The following CCDC180 variants were observed in gnomAD, a reference collection of about 807,000 sequenced individuals.
The protein encoded by CCDC180 is coiled-coil domain-containing protein 180.
In CCDC180, 154 loss-of-function variants were observed where a neutral mutation model predicts 209.2. That is an observed-to-expected ratio of 0.74 (90% confidence interval 0.65 to 0.84). The LOEUF is 0.84. Among genes scored for constraint, CCDC180 ranks in the 40% least tolerant of loss-of-function variants. The pLI, the probability that CCDC180 is intolerant of heterozygous loss-of-function variation, is 0.00. For synonymous variants in CCDC180, 778 were observed against 749.1 expected (o/e 1.04, Z -0.63); for missense variants, 1,874 against 1,997.3 (o/e 0.94, Z 1.18).
chr9:97,355,448 G>T (rs10981780), intron 24 of CCDC180, among the ~76,000 whole-genome samples: 1 of 152,168 alleles, frequency 6.6e-6, no homozygotes, highest in Non-Finnish European at 1.5e-5. Flanking sequence ...GAGCCACTGC[G>T]CCTGGCCAAA....
At chr9:97,353,276 T>A (rs10981759) in intron 22 of CCDC180, among the ~76,000 whole-genome samples, 17,088 of 152,116 alleles carry the variant, frequency 0.11, 2,751 homozygotes, top group African/African-American at 0.35. Context: ...GGATTACAGG[T>A]GTGAGCCACT....
In CCDC180 at chr9:97,330,761, G is replaced by C; in HGVS notation, c.2268G>C (p.Val756=). 6.3e-7 allele frequency: 1 copy of C among 1,596,368 alleles called. No homozygotes were observed. The highest frequency in any genetic ancestry group is 1.7e-4 in the Middle Eastern group (1 of 6,018). Residue 756 remains valine, a synonymous_variant, in exon 18 of 37, where the codon GTG becomes GTC. Coordinates refer to ENST00000529487, the MANE Select transcript of CCDC180 (RefSeq NM_020893.6). ...EAQEEQESLS[V]GEEEDKEEGL... is the part of the protein sequence containing the mutation. ...AGGAAGAGCAAGAGAGTTTATCTGT[G>C]GGTGAGGTAAGCCAGCAACTGATTC...
At chr9:97,309,057 A>C (rs751680128) in intron 2 of CCDC180, among the ~76,000 whole-genome samples, 1 of 152,236 alleles carries the variant, frequency 6.6e-6, no homozygotes, top group Admixed American at 6.5e-5. Context: ...TGTGGGTCTC[A>C]TCTTTAACAA....
chr9:97,337,740 A>G (rs531541769), intron 18 of CCDC180, among the ~76,000 whole-genome samples: 15 of 152,304 alleles, frequency 9.8e-5, no homozygotes, highest in Admixed American at 3.9e-4. Flanking sequence ...AAGGAATGGT[A>G]CTAGCTCCTC....
intron 27 of CCDC180, 51 bp from the exon 28 acceptor site, chr9:97,362,145 C>T (rs368483797): frequency 3.2e-6 from 5 of 1,576,136 alleles, no homozygotes; most frequent in Non-Finnish European, 4.3e-6. Flanking sequence ...CTGGCCTGAG[C>T]TACCCCCATG....
At chr9:97,361,430 A>C (rs1826748629) in intron 26 of CCDC180, among the ~76,000 whole-genome samples, 1 of 152,236 alleles carries the variant, frequency 6.6e-6, no homozygotes. Context: ...AAGCTCTGAG[A>C]CAGGAGGGAT....
chr9:97,362,475 C>G, intron 28 of CCDC180, 34 bp downstream of exon 28: 1 of 1,598,968 alleles, frequency 6.3e-7, no homozygotes, highest in Non-Finnish European at 8.5e-7. Flanking sequence ...CGCCCCTTCC[C>G]AGTCCATCCC....
At chr9:97,369,678 C>T (rs943019335) in intron 31 of CCDC180, 6 of 356,722 alleles carry the variant, frequency 1.7e-5, no homozygotes, top group Non-Finnish European at 2.6e-5. Context: ...TGGCCTCAAG[C>T]AATCCTCCCA....
intron 34 of CCDC180, chr9:97,373,697 G>C (rs972075715): frequency 2.0e-5 from 3 of 152,224 alleles, no homozygotes; most frequent in African/African-American, 2.4e-5. Flanking sequence ...TCCTGTAATT[G>C]TGCTGAAGAG....
At position 97,330,133 on chromosome 9, in the gene CCDC180, ACT is replaced by A; in HGVS notation, c.1789-18_1789-17del. On this transcript the variant is annotated intron_variant, in intron 16 of 36. Transcript: ENST00000529487. Reference sequence around the variant, plus strand: ...GAAAGGCAGTGCAGGTCCTTCAGTGACTCTTGGTTTTTCCTTGTAGAACTTGG... The same window carrying A: ...GAAAGGCAGTGCAGGTCCTTCAGTGACTTGGTTTTTCCTTGTAGAACTTGG... 1 of 1,605,884 alleles carries A rather than the reference ACT, an allele frequency of 6.2e-7. No homozygotes were observed. Among genetic ancestry groups the A allele is most frequent in the South Asian group, 1.1e-5 (1 of 90,822 alleles).
At chr9:97,319,646 G>A (rs569421845) in intron 10 of CCDC180, among the ~76,000 whole-genome samples, 119 of 152,288 alleles carry the variant, frequency 7.8e-4, no homozygotes, top group African/African-American at 2.8e-3. Context: ...ATGCTGCTGC[G>A]AAGGCCATGA....
chr9:97,343,172 C>T (rs1826137286), intron 18 of CCDC180, among the ~76,000 whole-genome samples, 168 bp from the exon 19 acceptor site: 1 of 152,018 alleles, frequency 6.6e-6, no homozygotes, highest in Non-Finnish European at 1.5e-5. Context: ...TGTAGAACTT[C>T]CCAATTTTAA....
intron 16 of CCDC180, 114 bp from the exon 17 acceptor site, chr9:97,330,040 C>A: frequency 2.2e-6 from 2 of 904,210 alleles, no homozygotes; most frequent in East Asian, 2.5e-5. Flanking sequence ...TGCACTCCAG[C>A]CTTGGCAACA....
chr9:97,370,701 G>C lies in CCDC180; in HGVS notation c.4411G>C (p.Glu1471Gln). The change falls in exon 33 of 37, where the codon GAG becomes CAG. Residue 1471 changes from glutamate to glutamine, a missense_variant. Coordinates refer to ENST00000529487, the MANE Select transcript of CCDC180 (RefSeq NM_020893.6). The part of the protein sequence containing the change: ...LGHPVHFQEM[E>Q]SLHLSEEERQ... ...ACACCCCGTACATTTCCAAGAAATG[G>C]AGTCTCTACACTTAAGTGAAGAGGA... 1 of 1,614,072 alleles carries C rather than the reference G, an allele frequency of 6.2e-7. No individual in the cohort carries two copies. Among genetic ancestry groups the C allele is most frequent in the East Asian group, 2.2e-5 (1 of 44,864 alleles).
At chr9:97,313,981 T>C (rs752231331) in intron 5 of CCDC180, among the ~76,000 whole-genome samples, 4 of 152,232 alleles carry the variant, frequency 2.6e-5, no homozygotes, top group Non-Finnish European at 5.9e-5. Flanking sequence ...TCTCCAGCCG[T>C]GTTTCTTCAT....
At chr9:97,327,958 T>A in intron 15 of CCDC180, 62 bp from the exon 16 acceptor site, 1 of 1,556,864 alleles carries the variant, frequency 6.4e-7, no homozygotes, top group Middle Eastern at 2.0e-4. Flanking sequence ...GCAGCCCATC[T>A]CCTTGGGGTC....
intron 22 of CCDC180, among the ~76,000 whole-genome samples, chr9:97,353,985 A>G (rs1587823123): frequency 7.0e-6 from 1 of 142,352 alleles, no homozygotes; most frequent in Non-Finnish European, 1.5e-5. Flanking sequence ...GTTTCACTTC[A>G]TCTGGAATTC....
intron 25 of CCDC180, among the ~76,000 whole-genome samples, chr9:97,358,671 C>A (rs113591305): frequency 3.3e-5 from 5 of 152,198 alleles, no homozygotes; most frequent in African/African-American, 9.6e-5. Flanking sequence ...TCTACGGGTT[C>A]AACTCCGGGC....
At chr9:97,322,196 A>T (rs189940524) in intron 11 of CCDC180, among the ~76,000 whole-genome samples, 28 of 152,254 alleles carry the variant, frequency 1.8e-4, no homozygotes, top group Admixed American at 1.8e-3. Context: ...GCTTCTTTTC[A>T]TCAGTTCTAG....
Sources: allele counts gnomAD v4.1 joint callset (sites outside exome capture counted in the v4.1 genomes callset), GRCh38; gene constraint gnomAD v4.1.1; transcripts MANE v1.5; gene names NCBI Gene and HGNC (gene_info 2026-07-23, HGNC 2026-07-21).